QTMAN: variants seen among roughly 807,000 people sequenced by gnomAD.
The protein encoded by QTMAN is queuosine-tRNA mannosyltransferase, also known as tRNA-queuosine alpha-mannosyltransferase.
the QTMAN span, among the ~76,000 whole-genome samples, chr2:144,115,288 G>A: frequency 6.6e-6 from 1 of 152,136 alleles, no homozygotes; most frequent in Non-Finnish European, 1.5e-5. Context: ...TACGGTGGTT[G>A]TCTCTTTCTT....
the QTMAN span, among the ~76,000 whole-genome samples, chr2:144,015,368 T>C: frequency 6.6e-6 from 1 of 152,170 alleles, no homozygotes; most frequent in East Asian, 1.9e-4. Context: ...ACCTCCACTT[T>C]AAAGCATTCT....
the QTMAN span, among the ~76,000 whole-genome samples, chr2:144,182,813 ATATAT>A: frequency 1.6e-5 from 1 of 62,874 alleles, no homozygotes; most frequent in South Asian, 3.8e-4. Context: ...TATATAATAT[ATATAT>A]TATATATATA....
the QTMAN span, among the ~76,000 whole-genome samples, chr2:144,198,285 T>C: frequency 6.6e-6 from 1 of 151,994 alleles, no homozygotes; most frequent in African/African-American, 2.4e-5. Flanking sequence ...TCAATTCACG[T>C]GGTTTGAATG....
the QTMAN span, among the ~76,000 whole-genome samples, chr2:144,241,576 G>GT: frequency 6.6e-6 from 1 of 151,964 alleles, no homozygotes; most frequent in African/African-American, 2.4e-5. Context: ...TTAAACTCAA[G>GT]TTTTTAAAAT....
chr2:144,126,207 C>T, the QTMAN span, among the ~76,000 whole-genome samples: 1 of 151,694 alleles, frequency 6.6e-6, no homozygotes, highest in African/African-American at 2.4e-5. Context: ...GTGGACCTTC[C>T]ACAGTTTGTA....
At chr2:144,006,527 C>T in the QTMAN span, 4 of 152,174 alleles carry the variant, frequency 2.6e-5, no homozygotes, top group East Asian at 7.7e-4. Flanking sequence ...ATGCCTAATA[C>T]CAGAAGATTA....
At chr2:144,077,252 A>G in the QTMAN span, among the ~76,000 whole-genome samples, 1 of 152,252 alleles carries the variant, frequency 6.6e-6, no homozygotes, top group African/African-American at 2.4e-5. Context: ...TATAGGTCAG[A>G]AAAAGTCTCT....
chr2:144,303,564 G>A, the QTMAN span, among the ~76,000 whole-genome samples: 6,083 of 152,222 alleles, frequency 0.04, 199 homozygotes, highest in South Asian at 0.11. Context: ...CAAGAAAAGG[G>A]TGGAAAATGT....
chr2:143,940,324 G>C, the QTMAN span: 2 of 152,212 alleles, frequency 1.3e-5, no homozygotes, highest in Admixed American at 1.3e-4. Flanking sequence ...ATGCTGCTTA[G>C]TTGAAGGGTG....
chr2:144,175,223 G>T, the QTMAN span, among the ~76,000 whole-genome samples: 1 of 152,202 alleles, frequency 6.6e-6, no homozygotes, highest in Middle Eastern at 3.4e-3. Flanking sequence ...CAAAGAACAA[G>T]AAAGTGAGAA....
chr2:144,073,884 C>T, the QTMAN span, among the ~76,000 whole-genome samples: 1 of 152,140 alleles, frequency 6.6e-6, no homozygotes, highest in African/African-American at 2.4e-5. Flanking sequence ...AGGCATTGTG[C>T]CCTATGCAGG....
the QTMAN span, among the ~76,000 whole-genome samples, chr2:144,180,753 C>T: frequency 3.8e-4 from 58 of 152,068 alleles, no homozygotes; most frequent in African/African-American, 1.3e-3. Flanking sequence ...TCTTTTAGTC[C>T]GTATATTGGT....
At chr2:144,132,661 T>C in the QTMAN span, among the ~76,000 whole-genome samples, 2 of 152,024 alleles carry the variant, frequency 1.3e-5, no homozygotes, top group Non-Finnish European at 2.9e-5. Flanking sequence ...GTCTCTATCT[T>C]TTTATTTACT....
the QTMAN span, chr2:144,141,749 T>G: frequency 3.3e-6 from 2 of 612,814 alleles, no homozygotes; most frequent in Non-Finnish European, 5.8e-6. Flanking sequence ...CACAGCATGG[T>G]GAGATAGAAC....
At chr2:144,093,045 T>C in the QTMAN span, among the ~76,000 whole-genome samples, 2 of 152,138 alleles carry the variant, frequency 1.3e-5, no homozygotes, top group African/African-American at 4.8e-5. Flanking sequence ...ATTTATATGG[T>C]GGAAAAAATT....
At chr2:144,151,928 G>A in the QTMAN span, among the ~76,000 whole-genome samples, 1 of 152,054 alleles carries the variant, frequency 6.6e-6, no homozygotes, top group Admixed American at 6.6e-5. Context: ...AAACTTACAA[G>A]AACACTGCCT....
At chr2:144,252,597 A>T in the QTMAN span, among the ~76,000 whole-genome samples, 3 of 152,220 alleles carry the variant, frequency 2.0e-5, no homozygotes, top group Non-Finnish European at 4.4e-5. Context: ...CCAATTACTA[A>T]AGACAATGTA....
the QTMAN span, among the ~76,000 whole-genome samples, chr2:143,971,488 GTCT>G: frequency 6.6e-6 from 1 of 152,004 alleles, no homozygotes; most frequent in African/African-American, 2.4e-5. Context: ...TAGCTTGTCA[GTCT>G]TCTTTGTAAA....
the QTMAN span, among the ~76,000 whole-genome samples, chr2:144,164,903 C>A: frequency 6.6e-6 from 1 of 152,194 alleles, no homozygotes; most frequent in Non-Finnish European, 1.5e-5. Flanking sequence ...ACACTAGTCA[C>A]CCAATTCTAA....
Sources: allele counts gnomAD v4.1 joint callset (sites outside exome capture counted in the v4.1 genomes callset), GRCh38; gene constraint gnomAD v4.1.1; transcripts MANE v1.5; gene names NCBI Gene and HGNC (gene_info 2026-07-23, HGNC 2026-07-21).